The following PCDHA10 variants were observed in gnomAD, a reference collection of about 807,000 sequenced individuals.
PCDHA10 encodes protocadherin alpha 10.
PCDHA10 carries 45 observed loss-of-function variants against 61.2 expected under a neutral mutation model. The observed-to-expected ratio is 0.74, with a 90% confidence interval of 0.58 to 0.94. The LOEUF (loss-of-function observed/expected upper bound fraction) is 0.94. Among genes scored for constraint, PCDHA10 ranks in the 40% least tolerant of loss-of-function variants. The pLI, the probability that PCDHA10 is intolerant of heterozygous loss-of-function variation, is 0.00. For missense variants in PCDHA10, 1,278 were observed against 1,236.2 expected (o/e 1.03, Z -0.51); for synonymous variants, 602 against 548.8 (o/e 1.10, Z -1.35).
intron 1 of PCDHA10, chr5:140,875,879 G>A: frequency 6.2e-7 from 1 of 1,614,214 alleles, no homozygotes. Context: ...TTCAGAGAAA[G>A]GGAACAAAAG....
chr5:140,869,233 T>G (rs782097851), intron 1 of PCDHA10: 7 of 1,613,700 alleles, frequency 4.3e-6, no homozygotes, highest in Non-Finnish European at 5.9e-6. Context: ...ACACGGCACC[T>G]TCGTGGGCCG....
chr5:140,881,218 T>G (rs997488208), intron 1 of PCDHA10: 10 of 230,756 alleles, frequency 4.3e-5, no homozygotes, highest in Non-Finnish European at 6.4e-5. Flanking sequence ...TGTTGTTTCT[T>G]GGAAAATTAA....
At chr5:141,003,331 TTTTG>T (rs1554259005) in intron 3 of PCDHA10, among the ~76,000 whole-genome samples, 2 of 152,142 alleles carry the variant, frequency 1.3e-5, no homozygotes, top group Non-Finnish European at 2.9e-5. Flanking sequence ...GGGCAGGGTT[TTTTG>T]TTTGTTTGCT....
Position 141,011,309 on chromosome 5 carries a change from A to G in PCDHA10, c.*1372A>G, listed in dbSNP as rs374038361. On this transcript the variant is annotated 3_prime_UTR_variant, in exon 4 of 4. Coordinates refer to ENST00000307360, the MANE Select transcript of PCDHA10 (RefSeq NM_018901.4). ...CTTTTCTATAACACTCTGAATTGCTAATCTTACTAACACCTATGATGTTAC... is the reference window on the plus strand; with the variant it reads ...CTTTTCTATAACACTCTGAATTGCTGATCTTACTAACACCTATGATGTTAC... 9.8e-5 allele frequency: 15 copies of G among 153,742 alleles called. No homozygotes were observed. The highest frequency in any genetic ancestry group is 1.9e-4 in the Non-Finnish European group (13 of 68,036). 9.5% of individuals were successfully genotyped at this position (153,742 alleles called of 1,614,324 possible). A position where few individuals can be genotyped will look rare whatever the true frequency, so the allele number is the denominator to read the frequency against.
At chr5:140,935,073 A>G (rs77827614) in intron 1 of PCDHA10, among the ~76,000 whole-genome samples, 63 of 152,260 alleles carry the variant, frequency 4.1e-4, no homozygotes, top group African/African-American at 1.3e-3. Context: ...ATTATCTTGT[A>G]CATTTCCTTT....
intron 3 of PCDHA10, among the ~76,000 whole-genome samples, chr5:141,002,433 A>G (rs2098079655): frequency 6.6e-6 from 1 of 152,258 alleles, no homozygotes; most frequent in East Asian, 1.9e-4. Context: ...ACAGGCAATA[A>G]CCATAATAAT....
chr5:140,946,631 T>TATATATATATATATATATACAC lies in PCDHA10; in HGVS notation c.2389-32317_2389-32316insTATATATATATATATATACACA, dbSNP rs57893927. Among the ~76,000 whole-genome samples the TATATATATATATATATATACAC allele has an allele frequency of 6.1e-4, 80 of 131,840 alleles. 1 individual carries two copies. The East Asian group carries it at 6.6e-3, about 11-fold the overall frequency. The allele number at this position is 131,840 out of a possible 152,430, so 86.5% of individuals were successfully genotyped here. A position where few individuals can be genotyped will look rare whatever the true frequency, so the allele number is the denominator to read the frequency against. ...TGTGAAATATATATATATATATATATACAATGGAATACTCATCAGCCATTA... is the reference window on the plus strand; with the variant it reads ...TGTGAAATATATATATATATATATATATATATATATATATATATACACACAATGGAATACTCATCAGCCATTA... On this transcript the variant is annotated intron_variant, in intron 1 of 3. Transcript: ENST00000307360.
chr5:140,904,555 C>CT (rs569725486), intron 1 of PCDHA10, among the ~76,000 whole-genome samples: 13 of 151,744 alleles, frequency 8.6e-5, no homozygotes, highest in Middle Eastern at 3.4e-3. Flanking sequence ...CATATAATGA[C>CT]TTTTTTTTCC....
At chr5:140,912,864 T>C (rs1483499385) in intron 1 of PCDHA10, among the ~76,000 whole-genome samples, 1 of 152,212 alleles carries the variant, frequency 6.6e-6, no homozygotes, top group East Asian at 1.9e-4. Context: ...TGAAATGATA[T>C]ATGGTTTTTG....
intron 3 of PCDHA10, among the ~76,000 whole-genome samples, chr5:140,998,021 C>T (rs2097794085): frequency 6.6e-6 from 1 of 152,152 alleles, no homozygotes; most frequent in Non-Finnish European, 1.5e-5. Context: ...CCACCTCGAG[C>T]TAGTGCTATA....
Position 141,009,803 on chromosome 5 carries a change from C to G in PCDHA10, c.2713C>G (p.Gln905Glu). 6.2e-7 allele frequency: 1 copy of G among 1,613,968 alleles called. No individual in the cohort carries two copies. The highest frequency in any genetic ancestry group is 8.5e-7 in the Non-Finnish European group (1 of 1,179,994). ...CATCCGGCAGGAGCCTACTAACAGC[C>G]AAATTGACAAAAGTGACTTCATAAC... ...ISIRQEPTNS[Q>E]IDKSDFITFG... Residue 905 changes from glutamine to glutamate, a missense_variant, in exon 4 of 4, where the codon CAA (glutamine) becomes GAA (glutamate). Physicochemically the swap from Gln to Glu is conservative, Grantham distance 29 (BLOSUM62 2). Coordinates refer to ENST00000307360, the MANE Select transcript of PCDHA10 (RefSeq NM_018901.4).
intron 3 of PCDHA10, among the ~76,000 whole-genome samples, chr5:141,001,760 G>A (rs2098035777): frequency 6.6e-6 from 1 of 152,146 alleles, no homozygotes; most frequent in South Asian, 2.1e-4. Flanking sequence ...GGTTGATGGC[G>A]GATGGTTTTT....
intron 1 of PCDHA10, among the ~76,000 whole-genome samples, chr5:140,943,273 A>AG (rs1157586895): frequency 6.7e-6 from 1 of 150,362 alleles, no homozygotes; most frequent in Non-Finnish European, 1.5e-5. Flanking sequence ...AAAAAAAAAA[A>AG]AAAAGAAAGA....
chr5:140,903,121 C>A (rs2070010801), intron 1 of PCDHA10, among the ~76,000 whole-genome samples: 2 of 152,188 alleles, frequency 1.3e-5, no homozygotes, highest in Non-Finnish European at 2.9e-5. Flanking sequence ...ACTTCTAAAT[C>A]TTTAAGAAAT....
chr5:140,926,880 G>A lies in PCDHA10; in HGVS notation c.2389-52069G>A. 4 of 1,534,946 alleles carry A rather than the reference G, an allele frequency of 2.6e-6. No homozygotes were observed. The South Asian group carries it at 3.8e-5, about 15-fold the overall frequency. On this transcript the variant is annotated intron_variant, in intron 1 of 3. Transcript: ENST00000307360. ...TGTAGCGTGTTGGTGGAACGTGGAC[G>A]CCTAGAGGGAGGATGGTGGGCTGTG...
chr5:140,882,602 A>G lies in PCDHA10; in HGVS notation c.2388+24166A>G, dbSNP rs782347582. 1.9e-6 allele frequency: 3 copies of G among 1,614,276 alleles called. No homozygotes were observed. In the South Asian group the frequency reaches 3.3e-5, roughly 18 times the overall value. ...CATCCACCTGGAGGTGATCGTGGAC[A>G]GGCCTCTGCAGGTTTTCCATGTGGA... On this transcript the variant is annotated intron_variant, in intron 1 of 3. Coordinates refer to ENST00000307360, the MANE Select transcript of PCDHA10 (RefSeq NM_018901.4).
chr5:140,921,282 A>C (rs1208744523), intron 1 of PCDHA10, among the ~76,000 whole-genome samples: 1 of 152,224 alleles, frequency 6.6e-6, no homozygotes, highest in Non-Finnish European at 1.5e-5. Flanking sequence ...CTTGAAAAAA[A>C]CCTCAAATTT....
chr5:140,929,207 G>T (rs782298445), intron 1 of PCDHA10: 2 of 1,614,106 alleles, frequency 1.2e-6, no homozygotes, highest in Non-Finnish European at 1.7e-6. Flanking sequence ...TTGCTGTTGC[G>T]TGGGGAGTAC....
chr5:141,009,935 T>C lies in PCDHA10; in HGVS notation c.2845T>C (p.Ter949ArgextTer53). The change falls in exon 4 of 4, where the codon TGA (stop) becomes CGA (arginine). Residue 949 changes from the stop codon to arginine, a stop_lost. Coordinates refer to ENST00000307360, the MANE Select transcript of PCDHA10 (RefSeq NM_018901.4). ...CAGCACGACTGACAACAGTGACCAG[T>C]GAGGTCCTCAAATGGAAACAAGCCA... ...GNSTTDNSDQ[*>R] 1.2e-6 allele frequency: 2 copies of C among 1,602,416 alleles called. No homozygotes were observed. The highest frequency in any genetic ancestry group is 1.7e-6 in the Non-Finnish European group (2 of 1,176,054).
Sources: gnomAD v4.1 joint callset for allele counts (sites outside exome capture counted in the v4.1 genomes callset) on GRCh38, gnomAD v4.1.1 for gene constraint, MANE v1.5 for transcripts, NCBI Gene and HGNC (gene_info 2026-07-23, HGNC 2026-07-21) for gene names.